The following USH2A variants were observed in gnomAD, a reference collection of about 807,000 sequenced individuals.
The protein encoded by USH2A is Usher syndrome 2A (autosomal recessive, mild).
USH2A carries 443 observed loss-of-function variants against 538.9 expected under a neutral mutation model. The observed-to-expected ratio is 0.82, with a 90% CI of 0.76 to 0.89. USH2A has a LOEUF of 0.89. Ranked by LOEUF, USH2A falls within the 40% of genes least tolerant of loss-of-function variation. USH2A has a pLI of 0.00. For synonymous variants in USH2A, 2,413 were observed against 2,273.5 expected, an observed-to-expected ratio of 1.06 and a Z score of -1.75; for missense variants, 6,633 against 6,324.8, an observed-to-expected ratio of 1.05 and a Z score of -1.65.
At chr1:216,284,809 G>T (rs1315593088) in intron 11 of USH2A, among the ~76,000 whole-genome samples, 2 of 152,198 alleles carry the variant, frequency 1.3e-5, no homozygotes, top group Non-Finnish European at 2.9e-5. Context: ...ATAGTGATAT[G>T]GACAATAAAG....
At chr1:215,738,808 G>A (rs1293861493) in intron 60 of USH2A, among the ~76,000 whole-genome samples, 1 of 152,124 alleles carries the variant, frequency 6.6e-6, no homozygotes, top group African/African-American at 2.4e-5. Context: ...ATAGAAGAAA[G>A]AGAAGGCCAA....
intron 35 of USH2A, among the ~76,000 whole-genome samples, chr1:215,981,363 G>T (rs1200448826): frequency 6.6e-6 from 1 of 151,428 alleles, no homozygotes; most frequent in Non-Finnish European, 1.5e-5. Flanking sequence ...TATCTTTGTG[G>T]GCCCTTATAG....
chr1:215,817,654 T>G (rs1662896633), intron 47 of USH2A, among the ~76,000 whole-genome samples: 1 of 151,970 alleles, frequency 6.6e-6, no homozygotes, highest in Non-Finnish European at 1.5e-5. Context: ...TCCTAGGAAA[T>G]TTTAGCTTTC....
rs1320149779 is a variant in USH2A, at chr1:216,364,860, C to T, written c.784+93G>A. On this transcript the variant is annotated intron_variant, in intron 4 of 71. Transcript: ENST00000307340. ...GTTCAGTAGCCCTAGAAGATGAATA[C>T]ACGTAGATATTTTAAAATATTATTT... is the stretch of plus-strand genomic sequence containing the variant. 5 of 1,500,302 alleles carry T rather than the reference C, an allele frequency of 3.3e-6. No individual in the cohort carries two copies. In the East Asian group the frequency reaches 9.4e-5, roughly 28 times the overall value. The allele number at this position is 1,500,302 out of a possible 1,614,324, so 92.9% of individuals were successfully genotyped here. A position where few individuals can be genotyped will look rare whatever the true frequency, so the allele number is the denominator to read the frequency against.
At chr1:216,176,183 G>A (rs993284892) in intron 20 of USH2A, among the ~76,000 whole-genome samples, 4 of 151,914 alleles carry the variant, frequency 2.6e-5, no homozygotes, top group African/African-American at 9.7e-5. Flanking sequence ...TTGCTCCTGT[G>A]GAGCACGGCT....
chr1:215,853,456 C>T (rs1664075015), intron 44 of USH2A, among the ~76,000 whole-genome samples: 1 of 152,198 alleles, frequency 6.6e-6, no homozygotes, highest in South Asian at 2.1e-4. Flanking sequence ...GAGACATTTT[C>T]CCCATTGTCT....
chr1:216,245,461 G>A (rs2036018407), intron 13 of USH2A, among the ~76,000 whole-genome samples: 1 of 142,800 alleles, frequency 7.0e-6, no homozygotes, highest in Non-Finnish European at 1.5e-5. Context: ...GAGAGGTAAA[G>A]TCCCCTTCTG....
At chr1:215,943,504 A>C (rs1360688624) in intron 37 of USH2A, among the ~76,000 whole-genome samples, 1 of 152,166 alleles carries the variant, frequency 6.6e-6, no homozygotes, top group Admixed American at 6.6e-5. Context: ...AATGATTAGA[A>C]ACATAACTTA....
In USH2A at chr1:216,377,807, A is replaced by AGAAAG. The variant is rs2038853659; in HGVS notation, c.652-12723_652-12722insCTTTC. The stretch of plus-strand genomic sequence containing the variant: ...AGAAAGAAAGAGAAGGAAAGAAATA[A>AGAAAG]AAAGAAAGAAAGAAAGAAAGAAAGA... On this transcript the variant is annotated intron_variant, in intron 3 of 71. Transcript: ENST00000307340. 6.1e-5 allele frequency among the ~76,000 whole-genome samples: 3 copies of AGAAAG among 49,524 alleles called. 1 individual carries two copies. In the South Asian group the frequency reaches 3.2e-3, roughly 54 times the overall value. The allele number at this position is 49,524 out of a possible 152,430, so 32.5% of individuals were successfully genotyped here.
At chr1:216,095,012 T>C (rs1481192435) in intron 22 of USH2A, among the ~76,000 whole-genome samples, 1 of 151,848 alleles carries the variant, frequency 6.6e-6, no homozygotes, top group African/African-American at 2.4e-5. Flanking sequence ...GTGTACAAAC[T>C]GATGTATAGA....
intron 23 of USH2A, 37 bp downstream of exon 23, chr1:216,088,976 T>C (rs1299436323): frequency 6.2e-7 from 1 of 1,611,762 alleles, no homozygotes; most frequent in Non-Finnish European, 8.5e-7. Flanking sequence ...CACCAACATA[T>C]CAACAGGGCT....
intron 60 of USH2A, among the ~76,000 whole-genome samples, chr1:215,740,822 C>A (rs570934802): frequency 3.3e-5 from 5 of 152,222 alleles, no homozygotes; most frequent in African/African-American, 1.2e-4. Flanking sequence ...TGAAATTATT[C>A]CACCTCAGAT....
At position 215,625,466 on chromosome 1, in the gene USH2A, ACT is replaced by A. The variant is rs1655983734; in HGVS notation, c.*313_*314del. ...AACTGTGAGCCATCTTGAAATTGCC[ACT>A]GATTATTCAGTTAACCAGGAGCATC... On this transcript the variant is annotated 3_prime_UTR_variant, in exon 72 of 72. Coordinates refer to ENST00000307340, the MANE Select transcript of USH2A (RefSeq NM_206933.4). The A allele has an allele frequency of 1.0e-5, 4 of 389,008 alleles. No homozygotes were observed. The highest frequency in any genetic ancestry group is 6.1e-5 in the African/African-American group (3 of 48,854). 24.1% of individuals were successfully genotyped at this position (389,008 alleles called of 1,614,324 possible).
chr1:215,984,294 C>T (rs1667820779), intron 35 of USH2A, among the ~76,000 whole-genome samples: 2 of 152,222 alleles, frequency 1.3e-5, no homozygotes, highest in South Asian at 2.1e-4. Context: ...AGTAAGACAG[C>T]TGAAGCAAAA....
intron 21 of USH2A, among the ~76,000 whole-genome samples, chr1:216,104,929 A>G (rs892016424): frequency 6.6e-6 from 1 of 152,186 alleles, no homozygotes; most frequent in African/African-American, 2.4e-5. Context: ...TCATCTGACA[A>G]AGGGCTAATA....
intron 4 of USH2A, among the ~76,000 whole-genome samples, chr1:216,350,459 C>T (rs1301146836): frequency 6.6e-6 from 1 of 152,150 alleles, no homozygotes; most frequent in Non-Finnish European, 1.5e-5. Context: ...CAGTTATTTA[C>T]CTCCAAAGTA....
In USH2A at chr1:216,108,115, T is replaced by C. The variant is rs145949319; in HGVS notation, c.4628-10902A>G. Among the ~76,000 whole-genome samples the C allele has an allele frequency of 3.6e-3, 545 of 151,972 alleles. 6 individuals carry two copies. The highest frequency in any genetic ancestry group is 0.012 in the African/African-American group (509 of 41,536). Reference sequence around the variant, plus strand: ...TTTTTTCCTCACACTTGAGTTATTATTGGTATTTTTAGCCTAAAACTTTTT... The same window carrying C: ...TTTTTTCCTCACACTTGAGTTATTACTGGTATTTTTAGCCTAAAACTTTTT... On this transcript the variant is annotated intron_variant, in intron 21 of 71. Transcript: ENST00000307340.
At chr1:216,377,272 CA>C (rs1475940889) in intron 3 of USH2A, among the ~76,000 whole-genome samples, 6 of 152,134 alleles carry the variant, frequency 3.9e-5, no homozygotes, top group Admixed American at 6.5e-5. Flanking sequence ...CCTTTCTGAT[CA>C]AAAGCTAGAG....
intron 32 of USH2A, among the ~76,000 whole-genome samples, chr1:216,002,908 G>T (rs7541086): frequency 6.6e-6 from 1 of 151,824 alleles, no homozygotes; most frequent in Non-Finnish European, 1.5e-5. Context: ...ATCACATATC[G>T]CAGTGTCTGC....
Sources: allele counts gnomAD v4.1 joint callset (sites outside exome capture counted in the v4.1 genomes callset), GRCh38; gene constraint gnomAD v4.1.1; transcripts MANE v1.5; gene names NCBI Gene and HGNC (gene_info 2026-07-23, HGNC 2026-07-21).